IFT80: variants seen among roughly 807,000 people sequenced by gnomAD.
The protein encoded by IFT80 is intraflagellar transport 80, also known as intraflagellar transport protein 80 homolog.
Under a neutral mutation model 107.9 loss-of-function variants are expected in IFT80, and 79 were observed. The observed-to-expected ratio is 0.73, with a 90% CI of 0.61 to 0.88. The LOEUF is 0.88. Ranked by LOEUF, IFT80 falls within the 40% of genes least tolerant of loss-of-function variation. The pLI is 0.00. For missense variants in IFT80, 797 were observed against 914.2 expected, an observed-to-expected ratio of 0.87 and a Z score of 1.65; for synonymous variants, 299 against 300.9, an observed-to-expected ratio of 0.99 and a Z score of 0.07.
At chr3:160,308,049 A>C (rs1434904560) in intron 9 of IFT80, among the ~76,000 whole-genome samples, 1 of 152,194 alleles carries the variant, frequency 6.6e-6, no homozygotes, top group East Asian at 1.9e-4. Context: ...TTAATGATGT[A>C]GCAATGGAGT....
At position 160,283,583 on chromosome 3, in the gene IFT80, T is replaced by A. The variant is rs537461999; in HGVS notation, c.1381-970A>T. On this transcript the variant is annotated intron_variant, in intron 13 of 19. Coordinates refer to ENST00000326448, the MANE Select transcript of IFT80 (RefSeq NM_020800.3). ...AGAAAAGAATTTGGTTTCATATATATCAAGGCATGCATGAAATATAACTCT... is the reference window on the plus strand; with the variant it reads ...AGAAAAGAATTTGGTTTCATATATAACAAGGCATGCATGAAATATAACTCT... 2.6e-5 allele frequency among the ~76,000 whole-genome samples: 4 copies of A among 152,306 alleles called. No individual in the cohort carries two copies. In the East Asian group the frequency reaches 7.7e-4, roughly 29 times the overall value.
At chr3:160,258,957 A>C (rs1712582595) in intron 19 of IFT80, among the ~76,000 whole-genome samples, 1 of 151,996 alleles carries the variant, frequency 6.6e-6, no homozygotes, top group African/African-American at 2.4e-5. Context: ...AAAATAAAAA[A>C]AGTAGCTGGG....
intron 9 of IFT80, among the ~76,000 whole-genome samples, chr3:160,309,673 C>A (rs1576787056): frequency 6.6e-6 from 1 of 151,132 alleles, no homozygotes; most frequent in Non-Finnish European, 1.5e-5. Context: ...GGCAACAGAG[C>A]GAGACTCCCA....
At chr3:160,317,047 C>T (rs1162306038) in intron 9 of IFT80, among the ~76,000 whole-genome samples, 1 of 151,938 alleles carries the variant, frequency 6.6e-6, no homozygotes, top group Non-Finnish European at 1.5e-5. Flanking sequence ...TCAATTACAG[C>T]TGAATTTATG....
intron 9 of IFT80, among the ~76,000 whole-genome samples, chr3:160,309,343 T>C (rs1423667027): frequency 1.3e-5 from 2 of 152,220 alleles, no homozygotes; most frequent in Non-Finnish European, 2.9e-5. Flanking sequence ...GGGAATATTA[T>C]ACAGCTATAA....
chr3:160,395,662 C>T (rs1488944719), intron 1 of IFT80, among the ~76,000 whole-genome samples: 3 of 152,154 alleles, frequency 2.0e-5, no homozygotes, highest in East Asian at 1.9e-4. Flanking sequence ...AGCTATCTTA[C>T]CACAGCAAGG....
intron 9 of IFT80, among the ~76,000 whole-genome samples, chr3:160,312,242 T>C (rs1717328272): frequency 6.6e-6 from 1 of 151,958 alleles, no homozygotes; most frequent in Non-Finnish European, 1.5e-5. Flanking sequence ...CTGCAGGTGG[T>C]GTCTTCAAAT....
At chr3:160,267,446 A>G (rs1367081101) in intron 19 of IFT80, among the ~76,000 whole-genome samples, 1 of 152,218 alleles carries the variant, frequency 6.6e-6, no homozygotes, top group African/African-American at 2.4e-5. Context: ...CATAGTGTCT[A>G]GGCCAGAGTG....
chr3:160,299,957 C>T (rs1046550183), intron 12 of IFT80, among the ~76,000 whole-genome samples: 4 of 152,254 alleles, frequency 2.6e-5, no homozygotes, highest in Admixed American at 2.0e-4. Flanking sequence ...CAAGTCTCTA[C>T]ATGATCTGGT....
At chr3:160,282,396 T>A in intron 14 of IFT80, 82 bp downstream of exon 14, 1 of 1,004,144 alleles carries the variant, frequency 1.0e-6, no homozygotes, top group East Asian at 2.6e-5. Flanking sequence ...TTAAAACATT[T>A]CCAGATTCAT....
intron 1 of IFT80, among the ~76,000 whole-genome samples, chr3:160,393,011 AC>A (rs1713500118): frequency 6.6e-6 from 1 of 152,190 alleles, no homozygotes; most frequent in South Asian, 2.1e-4. Flanking sequence ...GCTTAAAGTT[AC>A]AGTGAGCTAT....
intron 8 of IFT80, among the ~76,000 whole-genome samples, chr3:160,320,799 TA>T (rs1278638630): frequency 6.6e-6 from 1 of 151,894 alleles, no homozygotes; most frequent in East Asian, 1.9e-4. Context: ...TGTTTTACAT[TA>T]TTTTTTTCCA....
chr3:160,264,294 G>C (rs1226488475), intron 19 of IFT80, among the ~76,000 whole-genome samples: 2 of 145,734 alleles, frequency 1.4e-5, no homozygotes, highest in Admixed American at 1.4e-4. Context: ...TTTTGGTAGA[G>C]ACAAGATTTC....
At chr3:160,267,310 C>T (rs2108207854) in intron 19 of IFT80, among the ~76,000 whole-genome samples, 1 of 152,282 alleles carries the variant, frequency 6.6e-6, no homozygotes, top group South Asian at 2.1e-4. Flanking sequence ...TAAGTCTCCT[C>T]TAACCCAGTC....
chr3:160,394,633 C>T (rs1228846188), intron 1 of IFT80, among the ~76,000 whole-genome samples: 5 of 152,032 alleles, frequency 3.3e-5, no homozygotes, highest in Admixed American at 2.6e-4. Flanking sequence ...CCTATAATCC[C>T]AGCTACTCGG....
intron 9 of IFT80, among the ~76,000 whole-genome samples, chr3:160,317,739 A>G (rs1478459475): frequency 6.6e-6 from 1 of 152,094 alleles, no homozygotes; most frequent in African/African-American, 2.4e-5. Flanking sequence ...TGGAGATACA[A>G]TCAGCCCAGT....
intron 19 of IFT80, among the ~76,000 whole-genome samples, chr3:160,262,777 T>C (rs1206449816): frequency 2.0e-5 from 3 of 152,160 alleles, no homozygotes; most frequent in Non-Finnish European, 2.9e-5. Context: ...AGCTCAAAAA[T>C]ATAAGTGTCA....
At chr3:160,335,026 A>C (rs914237590) in intron 8 of IFT80, among the ~76,000 whole-genome samples, 2 of 152,020 alleles carry the variant, frequency 1.3e-5, no homozygotes, top group Admixed American at 6.5e-5. Context: ...AGAAATAGGT[A>C]ATTTTTTCAA....
chr3:160,375,690 C>A, intron 5 of IFT80, 122 bp downstream of exon 5: 1 of 679,510 alleles, frequency 1.5e-6, no homozygotes, highest in East Asian at 2.7e-5. Flanking sequence ...TAAGAGATTA[C>A]TGTTTTGAAC....
Sources: gnomAD v4.1 joint callset for allele counts (sites outside exome capture counted in the v4.1 genomes callset) on GRCh38, gnomAD v4.1.1 for gene constraint, MANE v1.5 for transcripts, NCBI Gene and HGNC (gene_info 2026-07-23, HGNC 2026-07-21) for gene names.